The following SRSF6 variants were observed in gnomAD, a reference collection of about 807,000 sequenced individuals.
SRSF6 encodes the protein serine and arginine rich splicing factor 6, also known as serine/arginine-rich splicing factor 6.
A neutral mutation model predicts 42.0 loss-of-function variants in SRSF6; 17 were observed. The ratio of observed to expected loss-of-function variants is 0.40; its 90% CI spans 0.28 to 0.61. The LOEUF is 0.61. SRSF6 is among the 20% of genes least tolerant of loss of function. The pLI is 0.37. For missense variants in SRSF6, 379 were observed against 471.4 expected, an observed-to-expected ratio of 0.80 and a Z score of 1.81; for synonymous variants, 204 against 166.7, an observed-to-expected ratio of 1.22 and a Z score of -1.72.
At chr20:43,460,409 C>T (rs1219404043) in intron 4 of SRSF6, 106 bp from the exon 5 acceptor site, 18 of 1,382,278 alleles carry the variant, frequency 1.3e-5, no homozygotes, top group East Asian at 2.3e-5. Flanking sequence ...TATTTAATTT[C>T]GTAGTAAAGA....
rs530844228 is a variant in SRSF6 at position 43,457,898 on chromosome 20, T to G, written c.-136T>G. On this transcript the variant is annotated 5_prime_UTR_variant, in exon 1 of 6. It adds an upstream start codon to the 5' untranslated region. Coordinates refer to ENST00000244020, the MANE Select transcript of SRSF6 (RefSeq NM_006275.6). ...AAAGCCTGGCGCGCGCGCGCGCCATTGTGTGGCTGGACTCGGCCGCCCCTG... is the reference window on the plus strand; with the variant it reads ...AAAGCCTGGCGCGCGCGCGCGCCATGGTGTGGCTGGACTCGGCCGCCCCTG... The G allele has an allele frequency of 9.5e-6, 6 of 634,278 alleles. No individual in the cohort carries two copies. The highest frequency in any genetic ancestry group is 1.3e-5 in the Non-Finnish European group (5 of 377,850). 39.3% of individuals were successfully genotyped at this position (634,278 alleles called of 1,614,324 possible).
chr20:43,459,415 T>C (rs1215327934), intron 2 of SRSF6: 10 of 1,307,658 alleles, frequency 7.6e-6, no homozygotes, highest in African/African-American at 1.5e-5. Flanking sequence ...AACCTCACAC[T>C]GTGATGTAAG....
In SRSF6 at chr20:43,461,350, T is replaced by TG. The variant is rs2017593531; in HGVS notation, c.*287_*288insG. 7.0e-6 allele frequency: 1 copy of TG among 142,282 alleles called. No homozygotes were observed. Among genetic ancestry groups the TG allele is most frequent in the African/African-American group, 3.7e-5 (1 of 27,334 alleles). The allele number at this position is 142,282 out of a possible 1,614,324, so 8.8% of individuals were successfully genotyped here. ...TCATTTAGTGTTGTTTTTTTTTTTT[T>TG]TTTTTTTTTTTTTTTTTTTTTTTTA... On this transcript the variant is annotated 3_prime_UTR_variant, in exon 6 of 6. Coordinates refer to ENST00000244020, the MANE Select transcript of SRSF6 (RefSeq NM_006275.6).
chr20:43,461,008 G>T lies in SRSF6; in HGVS notation c.980G>T (p.Arg327Leu). Residue 327 changes from arginine (R) to leucine (L), a missense_variant, in exon 6 of 6, where the codon CGT becomes CTT. By Grantham distance (102) the Arg-to-Leu change is moderately radical (BLOSUM62 -2). Coordinates refer to ENST00000244020, the MANE Select transcript of SRSF6 (RefSeq NM_006275.6). ...PPPKRATSRS[R>L]SRSRSKSRSR... ...CCAAAAAGAGCTACTTCAAGATCCC[G>T]TTCTAGATCTCGCTCAAAGTCAAGA... 6.2e-7 allele frequency: 1 copy of T among 1,608,954 alleles called. No homozygotes were observed. The highest frequency in any genetic ancestry group is 8.5e-7 in the Non-Finnish European group (1 of 1,178,262).
chr20:43,459,958 A>G (rs2017556905), intron 3 of SRSF6, 63 bp downstream of exon 3: 12 of 1,603,506 alleles, frequency 7.5e-6, no homozygotes, highest in Non-Finnish European at 1.0e-5. Context: ...CTCCTTTTAT[A>G]TTCTTATTTC....
rs75214077 is a variant in SRSF6 at position 43,463,660 on chromosome 20, G to A, written c.*2597G>A. The stretch of plus-strand genomic sequence containing the variant: ...ACTTAGGACCAGATTCTTAACAAAT[G>A]TTTTTTTGAATTGGAGTTTGCATTG... On this transcript the variant is annotated 3_prime_UTR_variant, in exon 6 of 6. Transcript: ENST00000244020. 2.0e-4 allele frequency: 30 copies of A among 152,698 alleles called. No individual in the cohort carries two copies. The highest frequency in any genetic ancestry group is 7.2e-4 in the African/African-American group (30 of 41,544). 9.5% of individuals were successfully genotyped at this position (152,698 alleles called of 1,614,324 possible).
rs1207521071 is a variant in SRSF6 at position 43,461,631 on chromosome 20, C to G, written c.*568C>G. 1 of 152,494 alleles carries G rather than the reference C, an allele frequency of 6.6e-6. No individual in the cohort carries two copies. Among genetic ancestry groups the G allele is most frequent in the Admixed American group, 6.6e-5 (1 of 15,266 alleles). 9.4% of individuals were successfully genotyped at this position (152,494 alleles called of 1,614,324 possible). ...GCCATTTGTGGAAACAACGTAAATT[C>G]TACTTAAGTGTAAACAAGGCAAGCC... is the stretch of plus-strand genomic sequence containing the variant. On this transcript the variant is annotated 3_prime_UTR_variant, in exon 6 of 6. Coordinates refer to ENST00000244020, the MANE Select transcript of SRSF6 (RefSeq NM_006275.6).
Position 43,463,286 on chromosome 20 carries a change from C to T in SRSF6, c.*2223C>T, listed in dbSNP as rs776702034. ...CTGGATGCACAAAATCACTGTGTAA[C>T]ATTGGCTCACTTGGTGAGCATAGGG... On this transcript the variant is annotated 3_prime_UTR_variant, in exon 6 of 6. Transcript: ENST00000244020. 45 of 154,956 alleles carry T rather than the reference C, an allele frequency of 2.9e-4. No individual in the cohort carries two copies. The highest frequency in any genetic ancestry group is 5.0e-4 in the Non-Finnish European group (34 of 68,210). The allele number at this position is 154,956 out of a possible 1,614,324, so 9.6% of individuals were successfully genotyped here.
In SRSF6 at chr20:43,458,383, G is replaced by T; in HGVS notation, c.130G>T (p.Asp44Tyr). The change falls in exon 2 of 6, where the codon GAC becomes TAC. Residue 44 changes from aspartate to tyrosine, a missense_variant. Coordinates refer to ENST00000244020, the MANE Select transcript of SRSF6 (RefSeq NM_006275.6). ...KNGYGFVEFE[D>Y]SRDADDAVYE... The stretch of plus-strand genomic sequence containing the variant: ...TAGGTACGGCTTCGTGGAGTTCGAG[G>T]ACTCCCGCGACGCCGACGACGCCGT... The T allele has an allele frequency of 6.4e-7, 1 of 1,559,874 alleles. No individual in the cohort carries two copies.
Position 43,461,337 on chromosome 20 carries a change from G to GTGTTTTTTTTTTTT in SRSF6, c.*275_*276insGTTTTTTTTTTTTT, listed in dbSNP as rs2017589358. 1 of 43,768 alleles carries GTGTTTTTTTTTTTT rather than the reference G, an allele frequency of 2.3e-5. No individual in the cohort carries two copies. The highest frequency in any genetic ancestry group is 8.2e-5 in the African/African-American group (1 of 12,192). 2.7% of individuals were successfully genotyped at this position (43,768 alleles called of 1,614,324 possible). On this transcript the variant is annotated 3_prime_UTR_variant, in exon 6 of 6. Coordinates refer to ENST00000244020, the MANE Select transcript of SRSF6 (RefSeq NM_006275.6). The stretch of plus-strand genomic sequence containing the variant: ...GTAAAGATTAAGCTCATTTAGTGTT[G>GTGTTTTTTTTTTTT]TTTTTTTTTTTTTTTTTTTTTTTTT...
rs981770698 is a variant in SRSF6 at position 43,461,121 on chromosome 20, C to G, written c.*58C>G. On this transcript the variant is annotated 3_prime_UTR_variant, in exon 6 of 6. Coordinates refer to ENST00000244020, the MANE Select transcript of SRSF6 (RefSeq NM_006275.6). ...ACACTTTCCTACTTAGGCAGTTACT[C>G]TTCCATGTTTATACTTGGCCTCTTC... 4 of 1,500,052 alleles carry G rather than the reference C, an allele frequency of 2.7e-6. No homozygotes were observed. The highest frequency in any genetic ancestry group is 1.4e-5 in the South Asian group (1 of 72,170). The allele number at this position is 1,500,052 out of a possible 1,614,324, so 92.9% of individuals were successfully genotyped here. A position where few individuals can be genotyped will look rare whatever the true frequency, so the allele number is the denominator to read the frequency against.
Position 43,461,368 on chromosome 20 carries a change from T to TAG in SRSF6, c.*305_*306insAG, listed in dbSNP as rs2017595422. 5.5e-6 allele frequency: 1 copy of TAG among 183,376 alleles called. No individual in the cohort carries two copies. Among genetic ancestry groups the TAG allele is most frequent in the African/African-American group, 2.8e-5 (1 of 35,720 alleles). 11.4% of individuals were successfully genotyped at this position (183,376 alleles called of 1,614,324 possible). A position where few individuals can be genotyped will look rare whatever the true frequency, so the allele number is the denominator to read the frequency against. On this transcript the variant is annotated 3_prime_UTR_variant, in exon 6 of 6. Transcript: ENST00000244020. ...TTTTTTTTTTTTTTTTTTTTTTTTT[T>TAG]TTTTTTAGTATTTCAGCAGGATCTG...
At chr20:43,458,241 G>C (rs1218431741) in intron 1 of SRSF6, 101 bp downstream of exon 1, 1 of 1,432,702 alleles carries the variant, frequency 7.0e-7, no homozygotes, top group Non-Finnish European at 9.2e-7. Flanking sequence ...CGCGTGGCAG[G>C]GCCTCAAAGA....
In SRSF6 at chr20:43,457,953, C is replaced by G; in HGVS notation, c.-81C>G. ...GTGAGGCGCGTGTTCGGGCTCTTGCCGTCCCCGCACCCGCACCGCGGTTAC... is the reference window on the plus strand; with the variant it reads ...GTGAGGCGCGTGTTCGGGCTCTTGCGGTCCCCGCACCCGCACCGCGGTTAC... On this transcript the variant is annotated 5_prime_UTR_variant, in exon 1 of 6. Coordinates refer to ENST00000244020, the MANE Select transcript of SRSF6 (RefSeq NM_006275.6). 3.3e-6 allele frequency: 4 copies of G among 1,212,426 alleles called. No homozygotes were observed. The South Asian group carries it at 5.1e-5, about 15-fold the overall frequency. The allele number at this position is 1,212,426 out of a possible 1,614,324, so 75.1% of individuals were successfully genotyped here.
chr20:43,458,555 G>A, intron 2 of SRSF6, 46 bp downstream of exon 2: 1 of 1,443,180 alleles, frequency 6.9e-7, no homozygotes, highest in Non-Finnish European at 9.0e-7. Context: ...GACCCTGGGG[G>A]CGGGGGTGGG....
In SRSF6 at chr20:43,461,334, GTTGTTTTTTTTT is replaced by G. The variant is rs1401737795; in HGVS notation, c.*274_*285del. Reference sequence around the variant, plus strand: ...TTTGTAAAGATTAAGCTCATTTAGTGTTGTTTTTTTTTTTTTTTTTTTTTTTTTTTTTTTTTT... The same window carrying G: ...TTTGTAAAGATTAAGCTCATTTAGTGTTTTTTTTTTTTTTTTTTTTTTTTT... On this transcript the variant is annotated 3_prime_UTR_variant, in exon 6 of 6. Coordinates refer to ENST00000244020, the MANE Select transcript of SRSF6 (RefSeq NM_006275.6). 0.023 allele frequency: 1,274 copies of G among 56,486 alleles called. 93 individuals are homozygous for G. Among genetic ancestry groups the G allele is most frequent in the African/African-American group, 0.071 (958 of 13,562 alleles). The allele number at this position is 56,486 out of a possible 1,614,324, so 3.5% of individuals were successfully genotyped here. A position where few individuals can be genotyped will look rare whatever the true frequency, so the allele number is the denominator to read the frequency against.
Position 43,462,061 on chromosome 20 carries a change from CACTT to C in SRSF6, c.*1000_*1003del, listed in dbSNP as rs1421935187. Reference sequence around the variant, plus strand: ...CTGAAAGATCATTATGTTTAACAGGCACTTAATCTCAGTAAAGTCAGTTGCCAGT... The same window carrying C: ...CTGAAAGATCATTATGTTTAACAGGCAATCTCAGTAAAGTCAGTTGCCAGT... On this transcript the variant is annotated 3_prime_UTR_variant, in exon 6 of 6. Transcript: ENST00000244020. The C allele has an allele frequency of 6.6e-6, 1 of 152,204 alleles. No homozygotes were observed. Among genetic ancestry groups the C allele is most frequent in the Non-Finnish European group, 1.5e-5 (1 of 68,048 alleles). The allele number at this position is 152,204 out of a possible 1,614,324, so 9.4% of individuals were successfully genotyped here.
chr20:43,460,876 A>T lies in SRSF6; in HGVS notation c.848A>T (p.Glu283Val). 6.2e-7 allele frequency: 1 copy of T among 1,614,080 alleles called. No homozygotes were observed. The highest frequency in any genetic ancestry group is 8.5e-7 in the Non-Finnish European group (1 of 1,179,946). Residue 283 changes from glutamate to valine, a missense_variant, in exon 6 of 6, where the codon GAA (glutamate) becomes GTA (valine). Transcript: ENST00000244020. ...AGGTCTCGGTCCCGATCCCCTAAAG[A>T]AAATGGAAAGGGTGATATAAAGTCA... Reference protein sequence around the residue: ...RSRSRSRSPKENGKGDIKSKS... With the variant: ...RSRSRSRSPKVNGKGDIKSKS...
rs755113561 is a variant in SRSF6, at chr20:43,460,731, C to T, written c.703C>T (p.Arg235Cys). Residue 235 changes from arginine to cysteine, a missense_variant, in exon 6 of 6, where the codon CGT (arginine) becomes TGT (cysteine). Physicochemically the swap from Arg to Cys is radical, Grantham distance 180. This residue lies in a region of SRSF6 where 219 missense variants were observed against 216.1 expected (regional missense o/e 1.01). Coordinates refer to ENST00000244020, the MANE Select transcript of SRSF6 (RefSeq NM_006275.6). The part of the protein sequence containing the change: ...RSRSRSKGRS[R>C]SRSKGRKSRS... The stretch of plus-strand genomic sequence containing the variant: ...CAGGTCGCGGAGCAAAGGTCGATCA[C>T]GTTCTCGATCAAAAGGCAGGAAATC... The T allele has an allele frequency of 3.7e-6, 6 of 1,613,700 alleles. No individual in the cohort carries two copies. Among genetic ancestry groups the T allele is most frequent in the Admixed American group, 3.3e-5 (2 of 59,958 alleles).
Sources: gnomAD v4.1 joint callset for allele counts on GRCh38, gnomAD v4.1.1 for gene constraint, gnomAD v4.1.1 regional missense constraint, MANE v1.5 for transcripts, NCBI Gene and HGNC (gene_info 2026-07-23, HGNC 2026-07-21) for gene names.